The following KIF3C variants were observed in gnomAD, a reference collection of about 807,000 sequenced individuals.
The protein encoded by KIF3C is kinesin-like protein KIF3C.
In KIF3C, 12 loss-of-function variants were observed where a neutral mutation model predicts 67.7. That is an observed-to-expected ratio of 0.18 (90% CI 0.11 to 0.29). The LOEUF (loss-of-function observed/expected upper bound fraction) is 0.29. KIF3C is among the 10% of genes least tolerant of loss of function. KIF3C has a pLI of 1.00. For missense variants in KIF3C, 789 were observed against 1,059.6 expected, an observed-to-expected ratio of 0.74 and a Z score of 3.55; for synonymous variants, 393 against 426.2, an observed-to-expected ratio of 0.92 and a Z score of 0.96.
chr2:25,935,571 AG>A (rs1663074553), intron 5 of KIF3C, among the ~76,000 whole-genome samples: 1 of 152,110 alleles, frequency 6.6e-6, no homozygotes, highest in Non-Finnish European at 1.5e-5. Context: ...TCTGTTGCCC[AG>A]GCTGGTTTTG....
At chr2:25,948,628 AAGAGAG>A (rs1042905052) in intron 5 of KIF3C, among the ~76,000 whole-genome samples, 2 of 98,576 alleles carry the variant, frequency 2.0e-5, no homozygotes, top group African/African-American at 1.0e-4. Flanking sequence ...GAAAGAGAGA[AAGAGAG>A]AGAGAAAGAG....
chr2:25,960,116 C>T (rs925418656), intron 1 of KIF3C, among the ~76,000 whole-genome samples: 3 of 152,120 alleles, frequency 2.0e-5, no homozygotes, highest in Non-Finnish European at 4.4e-5. Flanking sequence ...TTTTGTAACA[C>T]TCCAGAGCCA....
rs77674235 is a variant in KIF3C, at chr2:25,928,153, A to G, written c.*825T>C. The G allele has an allele frequency of 0.039, 5,898 of 152,352 alleles. 214 individuals carry two copies. The highest frequency in any genetic ancestry group is 0.092 in the African/African-American group (3,807 of 41,516). The allele number at this position is 152,352 out of a possible 1,614,324, so 9.4% of individuals were successfully genotyped here. On this transcript the variant is annotated 3_prime_UTR_variant, in exon 8 of 8. Coordinates refer to ENST00000264712, the MANE Select transcript of KIF3C (RefSeq NM_002254.8). ...CTTGAAAATGGGGAGTTGCCTTGAGAGCCTGTCGACCAAAATGACTCCTCG... is the reference window on the plus strand; with the variant it reads ...CTTGAAAATGGGGAGTTGCCTTGAGGGCCTGTCGACCAAAATGACTCCTCG...
intron 2 of KIF3C, among the ~76,000 whole-genome samples, chr2:25,956,125 G>A (rs1213663828): frequency 6.6e-6 from 1 of 152,200 alleles, no homozygotes; most frequent in Non-Finnish European, 1.5e-5. Context: ...CTGATGTTAT[G>A]GAGAGCTATC....
chr2:25,963,200 T>A (rs376255777), intron 1 of KIF3C, among the ~76,000 whole-genome samples: 1,145 of 43,856 alleles, frequency 0.026, 14 homozygotes, highest in African/African-American at 0.058. Flanking sequence ...ATATATATTT[T>A]TTTTTTTTTT....
intron 5 of KIF3C, among the ~76,000 whole-genome samples, chr2:25,948,821 C>T (rs1053979232): frequency 6.6e-6 from 1 of 151,898 alleles, no homozygotes; most frequent in Non-Finnish European, 1.5e-5. Flanking sequence ...AAGCACCTGC[C>T]ACACTTTGAG....
intron 1 of KIF3C, among the ~76,000 whole-genome samples, chr2:25,966,341 A>G (rs901178278): frequency 1.3e-5 from 2 of 152,140 alleles, no homozygotes; most frequent in Non-Finnish European, 2.9e-5. Context: ...CCTGACCTTA[A>G]GTGATCCACC....
intron 3 of KIF3C, among the ~76,000 whole-genome samples, chr2:25,954,965 C>T (rs549703876): frequency 6.6e-6 from 1 of 152,270 alleles, no homozygotes; most frequent in Non-Finnish European, 1.5e-5. Context: ...CCAGGCCTGC[C>T]CCTGGGCAGC....
chr2:25,981,006 A>T lies in KIF3C; in HGVS notation c.912T>A (p.Ile304=). 6.2e-7 allele frequency: 1 copy of T among 1,614,210 alleles called. No homozygotes were observed. Among genetic ancestry groups the T allele is most frequent in the Non-Finnish European group, 8.5e-7 (1 of 1,180,028 alleles). Residue 304 remains isoleucine (I), a synonymous_variant, in exon 1 of 8, where the codon ATT becomes ATA. Coordinates refer to ENST00000264712, the MANE Select transcript of KIF3C (RefSeq NM_002254.8). The surrounding 1 kb of genome is among the most constrained non-coding windows in gnomAD (Gnocchi z 8.2). ...TGCTCCTGTTGCCCGCCAGGGCAGC[A>T]ATCACGTTGCCCAGGGCAGATAATG... ...NLSLSALGNV[I]AALAGNRSTH...
At chr2:25,936,442 ATTT>A (rs1462144009) in intron 5 of KIF3C, among the ~76,000 whole-genome samples, 1 of 152,174 alleles carries the variant, frequency 6.6e-6, no homozygotes, top group Non-Finnish European at 1.5e-5. Flanking sequence ...ATTATGGGTG[ATTT>A]TTATTTTCTC....
At chr2:25,972,877 A>C (rs1664316289) in intron 1 of KIF3C, among the ~76,000 whole-genome samples, 1 of 149,694 alleles carries the variant, frequency 6.7e-6, no homozygotes, top group African/African-American at 2.5e-5. Flanking sequence ...GTCCCCCTCT[A>C]TTTCTCTCTT....
Position 25,929,071 on chromosome 2 carries a change from C to T in KIF3C, c.2289G>A (p.Trp763Ter). ...GTGGAGGCCGCTGAGGACTCTGGCA[C>T]CTGCAGGGGAGATGACGCAGGCGAA... ...STSKVRKSRS[W>*]CQSPQRPPPS... The change falls in exon 8 of 8, where the codon TGG becomes TGA. Residue 763 changes from tryptophan to a stop codon, truncating the protein, a stop_gained and splice_region_variant. Transcript: ENST00000264712. LOFTEE classifies it high-confidence loss of function. 1 of 1,613,044 alleles carries T rather than the reference C, an allele frequency of 6.2e-7. No homozygotes were observed. The highest frequency in any genetic ancestry group is 8.5e-7 in the Non-Finnish European group (1 of 1,179,502).
chr2:25,933,349 A>C (rs1361481671), intron 5 of KIF3C, among the ~76,000 whole-genome samples: 1 of 152,012 alleles, frequency 6.6e-6, no homozygotes, highest in African/African-American at 2.4e-5. Context: ...GTTCAACATT[A>C]TTAGTCATAT....
chr2:25,945,752 G>A (rs994192985), intron 5 of KIF3C, among the ~76,000 whole-genome samples: 2 of 151,894 alleles, frequency 1.3e-5, no homozygotes, highest in African/African-American at 4.8e-5. Context: ...GGTGACAGAC[G>A]AGACTCCATC....
At position 25,980,871 on chromosome 2, in the gene KIF3C, G is replaced by A. The variant is rs769378842; in HGVS notation, c.1047C>T (p.Tyr349=). 13 of 1,614,152 alleles carry A rather than the reference G, an allele frequency of 8.1e-6. No individual in the cohort carries two copies. Among genetic ancestry groups the A allele is most frequent in the Non-Finnish European group, 9.3e-6 (11 of 1,180,002 alleles). Residue 349 remains tyrosine, a synonymous_variant, in exon 1 of 8, where the codon TAC becomes TAT. Transcript: ENST00000264712. The surrounding 1 kb of genome is among the most constrained non-coding windows in gnomAD (Gnocchi z 7.6). The part of the protein sequence containing the change: ...VATLGPASHS[Y]DESLSTLRFA... Reference sequence around the variant, plus strand: ...AGCGCAAGGTGGAGAGGCTCTCATCGTAGCTGTGAGAAGCTGGCCCCAGTG... The same window carrying A: ...AGCGCAAGGTGGAGAGGCTCTCATCATAGCTGTGAGAAGCTGGCCCCAGTG...
At chr2:25,948,652 GAAAGAGAA>G (rs1559551428) in intron 5 of KIF3C, among the ~76,000 whole-genome samples, 1 of 143,398 alleles carries the variant, frequency 7.0e-6, no homozygotes, top group Non-Finnish European at 1.5e-5. Flanking sequence ...GAGAAAGAGA[GAAAGAGAA>G]AGAGAGAAAG....
At chr2:25,943,049 T>C (rs1663337650) in intron 5 of KIF3C, among the ~76,000 whole-genome samples, 2 of 152,196 alleles carry the variant, frequency 1.3e-5, no homozygotes, top group Admixed American at 1.3e-4. Context: ...CGAGCAGCTC[T>C]TAGTGTTCTC....
rs1361594590 is a variant in KIF3C, at chr2:25,955,070, T to C, written c.1770+471A>G. On this transcript the variant is annotated intron_variant, in intron 3 of 7. Coordinates refer to ENST00000264712, the MANE Select transcript of KIF3C (RefSeq NM_002254.8). This position sits in a 1 kb window ranked among gnomAD's most constrained non-coding sequence, Gnocchi z 5.0. ...CCTAGACCCCCCTCACATGTACATGTCTTTCCCTTGCCACGGGCTTTGCAG... is the reference window on the plus strand; with the variant it reads ...CCTAGACCCCCCTCACATGTACATGCCTTTCCCTTGCCACGGGCTTTGCAG... Among the ~76,000 whole-genome samples, 1 of 152,154 alleles carries C rather than the reference T, an allele frequency of 6.6e-6. No individual in the cohort carries two copies. Among genetic ancestry groups the C allele is most frequent in the East Asian group, 1.9e-4 (1 of 5,188 alleles).
intron 1 of KIF3C, among the ~76,000 whole-genome samples, chr2:25,976,285 G>A (rs765028684): frequency 4.6e-5 from 7 of 152,140 alleles, no homozygotes; most frequent in Admixed American, 2.6e-4. Context: ...CAGAGAGAGT[G>A]GGCTCCAGCC....
Sources: allele counts gnomAD v4.1 joint callset (sites outside exome capture counted in the v4.1 genomes callset), GRCh38; gene constraint gnomAD v4.1.1; non-coding constraint Gnocchi (gnomAD v3.1); transcripts MANE v1.5; gene names NCBI Gene and HGNC (gene_info 2026-07-23, HGNC 2026-07-21).